NELL1: variants seen among roughly 807,000 people sequenced by gnomAD.
NELL1 encodes the protein protein kinase C-binding protein NELL1.
A neutral mutation model predicts 107.4 loss-of-function variants in NELL1; 76 were observed. The observed-to-expected ratio is 0.71, with a 90% CI of 0.59 to 0.86. The LOEUF (loss-of-function observed/expected upper bound fraction) is 0.86. Among genes scored for constraint, NELL1 ranks in the 40% least tolerant of loss-of-function variants. The probability of loss-of-function intolerance (pLI) is 0.00; values close to 1 mark genes in which losing one functional copy is unlikely to be tolerated. For missense variants in NELL1, 1,024 were observed against 1,005.5 expected (o/e 1.02, Z -0.25); for synonymous variants, 353 against 341.2 (o/e 1.03, Z -0.38).
intron 2 of NELL1, among the ~76,000 whole-genome samples, chr11:20,721,167 GATATATATTTTGTGTATAT>G (rs71063659): frequency 0.23 from 23,564 of 104,600 alleles, 2,278 homozygotes; most frequent in East Asian, 0.36. Context: ...ATGAGATATA[GATATATATTTTGTGTATAT>G]ATATATATAT....
chr11:21,361,335 G>T (rs994548015), intron 14 of NELL1, among the ~76,000 whole-genome samples: 1 of 141,390 alleles, frequency 7.1e-6, no homozygotes, highest in Non-Finnish European at 1.5e-5. Flanking sequence ...TGCTTGTAAG[G>T]TTTCTGCTGA....
chr11:20,938,554 A>G (rs1050870682), intron 10 of NELL1, among the ~76,000 whole-genome samples: 2 of 152,118 alleles, frequency 1.3e-5, no homozygotes, highest in Non-Finnish European at 2.9e-5. Flanking sequence ...GACTGAGAAG[A>G]TCTCTCTGAG....
chr11:20,700,600 C>T lies in NELL1; in HGVS notation c.184+22540C>T, dbSNP rs142251779. Among the ~76,000 whole-genome samples the T allele has an allele frequency of 7.6e-3, 1,149 of 152,004 alleles. 10 individuals are homozygous for T. The highest frequency in any genetic ancestry group is 0.025 in the African/African-American group (1,031 of 41,452). On this transcript the variant is annotated intron_variant, in intron 2 of 19. Coordinates refer to ENST00000357134, the MANE Select transcript of NELL1 (RefSeq NM_006157.5). ...TGTATACATGTGCCATGTTGGTGTG[C>T]GGCACCCATTAACTCGTCATTTACA...
intron 15 of NELL1, among the ~76,000 whole-genome samples, chr11:21,440,968 A>G (rs891999010): frequency 6.6e-6 from 1 of 152,162 alleles, no homozygotes; most frequent in African/African-American, 2.4e-5. Flanking sequence ...ATGTTATTGA[A>G]TATCTGTAAA....
At chr11:20,939,515 T>A (rs942607139) in intron 10 of NELL1, among the ~76,000 whole-genome samples, 1 of 152,074 alleles carries the variant, frequency 6.6e-6, no homozygotes, top group Non-Finnish European at 1.5e-5. Flanking sequence ...TATACAAGAT[T>A]TAAAGTTTGG....
At chr11:21,382,539 C>A (rs113087397) in intron 15 of NELL1, among the ~76,000 whole-genome samples, 39 of 151,900 alleles carry the variant, frequency 2.6e-4, no homozygotes, top group African/African-American at 9.4e-4. Flanking sequence ...TCAATTCAAA[C>A]CTTATTGAAA....
intron 3 of NELL1, among the ~76,000 whole-genome samples, chr11:20,792,237 T>C (rs1339806752): frequency 6.6e-6 from 1 of 152,066 alleles, no homozygotes; most frequent in African/African-American, 2.4e-5. Flanking sequence ...GTTAGGTATA[T>C]AATTGTGTAA....
intron 13 of NELL1, among the ~76,000 whole-genome samples, chr11:21,133,994 G>A (rs72950005): frequency 6.6e-5 from 10 of 152,366 alleles, no homozygotes; most frequent in Non-Finnish European, 1.3e-4. Context: ...TGTCTTTGCA[G>A]CAACCACTTT....
chr11:21,285,384 G>T (rs1329508941), intron 14 of NELL1, among the ~76,000 whole-genome samples: 1 of 152,112 alleles, frequency 6.6e-6, no homozygotes, highest in Non-Finnish European at 1.5e-5. Context: ...TCTCTCTAGA[G>T]GTCGTTAATG....
chr11:20,870,149 A>G (rs1849169566), intron 4 of NELL1, among the ~76,000 whole-genome samples: 1 of 152,144 alleles, frequency 6.6e-6, no homozygotes, highest in African/African-American at 2.4e-5. Context: ...GGCAGGCATC[A>G]TTTTCTTTAT....
Position 21,523,208 on chromosome 11 carries a change from A to G in NELL1, c.1646-11166A>G, listed in dbSNP as rs1004111106. On this transcript the variant is annotated intron_variant, in intron 15 of 19. Coordinates refer to ENST00000357134, the MANE Select transcript of NELL1 (RefSeq NM_006157.5). ...TAGTTTTCTTATCATTTATGTCTAC[A>G]TGGAATATCTTTCCCCATACTTCTA... 1.6e-4 allele frequency among the ~76,000 whole-genome samples: 24 copies of G among 152,012 alleles called. 1 individual carries two copies. The highest frequency in any genetic ancestry group is 5.1e-4 in the African/African-American group (21 of 41,380).
At chr11:20,754,830 A>G (rs1251108795) in intron 2 of NELL1, among the ~76,000 whole-genome samples, 10 of 152,262 alleles carry the variant, frequency 6.6e-5, no homozygotes, top group Middle Eastern at 3.4e-3. Context: ...CATTTCTGTA[A>G]TTTTCTCTCT....
chr11:21,143,174 A>C (rs1001224930), intron 13 of NELL1, among the ~76,000 whole-genome samples: 1 of 152,222 alleles, frequency 6.6e-6, no homozygotes, highest in African/African-American at 2.4e-5. Context: ...CATGAAAGGC[A>C]AGAGGCAAAG....
intron 4 of NELL1, among the ~76,000 whole-genome samples, chr11:20,873,223 C>T (rs947603878): frequency 2.0e-5 from 3 of 152,074 alleles, no homozygotes; most frequent in Non-Finnish European, 2.9e-5. Context: ...AAGATGGGAC[C>T]GACGACTGTG....
intron 3 of NELL1, among the ~76,000 whole-genome samples, chr11:20,811,563 C>G (rs561364204): frequency 1.3e-5 from 2 of 152,106 alleles, no homozygotes; most frequent in African/African-American, 4.8e-5. Context: ...ATTAAGTCTT[C>G]CAATTAATGA....
chr11:20,854,661 CT>C (rs1305923327), intron 4 of NELL1, among the ~76,000 whole-genome samples: 1 of 152,296 alleles, frequency 6.6e-6, no homozygotes, highest in Non-Finnish European at 1.5e-5. Flanking sequence ...TTCTCTCCAC[CT>C]TGTGCTCTTT....
At chr11:21,406,060 G>A (rs1187583037) in intron 15 of NELL1, among the ~76,000 whole-genome samples, 2 of 151,834 alleles carry the variant, frequency 1.3e-5, no homozygotes, top group African/African-American at 4.8e-5. Context: ...GTGGATTCCA[G>A]ACAAACAAAA....
chr11:21,374,254 C>T (rs779066469), intron 15 of NELL1, among the ~76,000 whole-genome samples: 2 of 151,954 alleles, frequency 1.3e-5, no homozygotes, highest in Non-Finnish European at 2.9e-5. Flanking sequence ...AGCAGCTTAG[C>T]TGAGTGGTTC....
At chr11:20,706,676 T>TA (rs563903156) in intron 2 of NELL1, among the ~76,000 whole-genome samples, 109 of 147,314 alleles carry the variant, frequency 7.4e-4, no homozygotes, top group Non-Finnish European at 1.2e-3. Context: ...AATAACAAAA[T>TA]AAAAAAAAAA....
Sources: allele counts gnomAD v4.1 joint callset (sites outside exome capture counted in the v4.1 genomes callset), GRCh38; gene constraint gnomAD v4.1.1; transcripts MANE v1.5; gene names NCBI Gene and HGNC (gene_info 2026-07-23, HGNC 2026-07-21).